PARD6G: variants seen among roughly 807,000 people sequenced by gnomAD.
PARD6G encodes the protein par-6 family cell polarity regulator gamma.
In PARD6G, 7 loss-of-function variants were observed where a neutral mutation model predicts 10.7. The ratio of observed to expected loss-of-function variants is 0.66; its 90% CI spans 0.37 to 1.23. The LOEUF is 1.23. PARD6G is among the 50% of genes most tolerant of loss of function. The pLI is 0.02. For missense variants in PARD6G, 548 were observed against 571.8 expected, an observed-to-expected ratio of 0.96 and a Z score of 0.42; for synonymous variants, 287 against 269.4, an observed-to-expected ratio of 1.07 and a Z score of -0.64.
In PARD6G at chr18:80,213,868, G is replaced by T. The variant is rs560284491; in HGVS notation, c.73-10936C>A. On this transcript the variant is annotated intron_variant, in intron 1 of 2. Transcript: ENST00000353265. ...AGCTACTCAGGAGGCTGAGGCAGGA[G>T]AATGGCATGAATCCGGAAGGCAGAG... Among the ~76,000 whole-genome samples, 531 of 146,162 alleles carry T rather than the reference G, an allele frequency of 3.6e-3. 4 individuals carry two copies. Among genetic ancestry groups the T allele is most frequent in the African/African-American group, 0.013 (499 of 39,174 alleles).
At position 80,246,468 on chromosome 18, in the gene PARD6G, G is replaced by A. The variant is rs1163951322; in HGVS notation, c.72+809C>T. Among the ~76,000 whole-genome samples, 1 of 152,162 alleles carries A rather than the reference G, an allele frequency of 6.6e-6. No homozygotes were observed. Among genetic ancestry groups the A allele is most frequent in the East Asian group, 1.9e-4 (1 of 5,168 alleles). On this transcript the variant is annotated intron_variant, in intron 1 of 2. Coordinates refer to ENST00000353265, the MANE Select transcript of PARD6G (RefSeq NM_032510.4). This position sits in a 1 kb window ranked among gnomAD's most constrained non-coding sequence, Gnocchi z 6.7. ...CTCCGCCCGGGCGCAGGCAGCGGGAGGGGCCGGGCACGCCCGTGGGGGTGG... is the reference window on the plus strand; with the variant it reads ...CTCCGCCCGGGCGCAGGCAGCGGGAAGGGCCGGGCACGCCCGTGGGGGTGG...
intron 1 of PARD6G, among the ~76,000 whole-genome samples, chr18:80,235,773 C>A (rs1304815295): frequency 5.3e-5 from 8 of 152,204 alleles, no homozygotes; most frequent in Non-Finnish European, 1.2e-4. Flanking sequence ...AATTCCTCGA[C>A]ACATACACCC....
At chr18:80,194,594 C>A (rs536080498) in intron 2 of PARD6G, among the ~76,000 whole-genome samples, 2 of 152,048 alleles carry the variant, frequency 1.3e-5, no homozygotes, top group Non-Finnish European at 2.9e-5. Flanking sequence ...CATTCACCCC[C>A]CCGAGATCTT....
intron 1 of PARD6G, among the ~76,000 whole-genome samples, chr18:80,234,288 G>T (rs1568444016): frequency 6.6e-6 from 1 of 152,148 alleles, no homozygotes; most frequent in South Asian, 2.1e-4. Flanking sequence ...AGATTGATCA[G>T]CTGGTGTGAA....
At chr18:80,214,167 A>C (rs188522401) in intron 1 of PARD6G, among the ~76,000 whole-genome samples, 2 of 151,258 alleles carry the variant, frequency 1.3e-5, no homozygotes, top group Non-Finnish European at 3.0e-5. Context: ...AATGTATAAG[A>C]ATGATACCGG....
At chr18:80,241,998 A>T (rs1160080775) in intron 1 of PARD6G, among the ~76,000 whole-genome samples, 1 of 152,120 alleles carries the variant, frequency 6.6e-6, no homozygotes, top group South Asian at 2.1e-4. Context: ...ACTTCCCTAA[A>T]ATTAGGGCCT....
At chr18:80,233,393 C>A (rs542060497) in intron 1 of PARD6G, among the ~76,000 whole-genome samples, 1 of 152,292 alleles carries the variant, frequency 6.6e-6, no homozygotes, top group South Asian at 2.1e-4. Flanking sequence ...CATCCCTGCA[C>A]CAGTACAGGT....
Position 80,247,448 on chromosome 18 carries a change from CCGCGCT to C in PARD6G, c.-106_-101del. 1.2e-6 allele frequency: 1 copy of C among 862,752 alleles called. No individual in the cohort carries two copies. 53.4% of individuals were successfully genotyped at this position (862,752 alleles called of 1,614,324 possible). On this transcript the variant is annotated 5_prime_UTR_variant, in exon 1 of 3. Transcript: ENST00000353265. The surrounding 1 kb of genome is among the most constrained non-coding windows in gnomAD (Gnocchi z 4.2). ...CCCAGGCCCCGGCCCCGGCCCCGGC[CCGCGCT>C]CGCTTGGCCGGCGGGCTGCTCCCGG...
In PARD6G at chr18:80,200,167, A is replaced by T. The variant is rs1966995629; in HGVS notation, c.295+2543T>A. Reference sequence around the variant, plus strand: ...ACTGACCCCTCGACACCCCTGCTGCAGTAAAAAGGCTGTGGGATTGAGTGT... The same window carrying T: ...ACTGACCCCTCGACACCCCTGCTGCTGTAAAAAGGCTGTGGGATTGAGTGT... On this transcript the variant is annotated intron_variant, in intron 2 of 2. Coordinates refer to ENST00000353265, the MANE Select transcript of PARD6G (RefSeq NM_032510.4). The surrounding 1 kb of genome is among the most constrained non-coding windows in gnomAD (Gnocchi z 4.4). 6.6e-6 allele frequency among the ~76,000 whole-genome samples: 1 copy of T among 152,182 alleles called. No homozygotes were observed. Among genetic ancestry groups the T allele is most frequent in the African/African-American group, 2.4e-5 (1 of 41,454 alleles).
intron 1 of PARD6G, among the ~76,000 whole-genome samples, chr18:80,232,918 G>A (rs1365465082): frequency 6.6e-6 from 1 of 152,214 alleles, no homozygotes; most frequent in Non-Finnish European, 1.5e-5. Flanking sequence ...TCATGGTGCA[G>A]GACAGGTGAG....
At chr18:80,236,607 C>T (rs111982465) in intron 1 of PARD6G, among the ~76,000 whole-genome samples, 257 of 152,248 alleles carry the variant, frequency 1.7e-3, no homozygotes, top group African/African-American at 5.9e-3. Flanking sequence ...AAAACCCCAT[C>T]GTCTCAGCCC....
chr18:80,162,248 G>GAT (rs2052705412), intron 2 of PARD6G: 2 of 152,206 alleles, frequency 1.3e-5, no homozygotes, highest in Non-Finnish European at 2.9e-5. Flanking sequence ...AGGTCTGGAA[G>GAT]GACTTTTGAA....
intron 2 of PARD6G, among the ~76,000 whole-genome samples, chr18:80,172,300 A>G (rs1005636702): frequency 6.6e-6 from 1 of 151,332 alleles, no homozygotes; most frequent in African/African-American, 2.4e-5. Flanking sequence ...TCATGTGCTT[A>G]TTGGCCACTT....
At position 80,184,935 on chromosome 18, in the gene PARD6G, G is replaced by C. The variant is rs923975273; in HGVS notation, c.295+17775C>G. On this transcript the variant is annotated intron_variant, in intron 2 of 2. Coordinates refer to ENST00000353265, the MANE Select transcript of PARD6G (RefSeq NM_032510.4). The surrounding 1 kb of genome is among the most constrained non-coding windows in gnomAD (Gnocchi z 4.5). Reference sequence around the variant, plus strand: ...CCTAAATGGTCGGATGCTGACTTAGGTCTCAATAAAGCTAAAAAATAAGGT... The same window carrying C: ...CCTAAATGGTCGGATGCTGACTTAGCTCTCAATAAAGCTAAAAAATAAGGT... The C allele has an allele frequency of 6.6e-6, 1 of 152,130 alleles. No homozygotes were observed. Among genetic ancestry groups the C allele is most frequent in the Non-Finnish European group, 1.5e-5 (1 of 68,042 alleles). The allele number at this position is 152,130 out of a possible 1,614,324, so 9.4% of individuals were successfully genotyped here. A position where few individuals can be genotyped will look rare whatever the true frequency, so the allele number is the denominator to read the frequency against.
chr18:80,226,789 C>A (rs1967297718), intron 1 of PARD6G, among the ~76,000 whole-genome samples: 2 of 152,114 alleles, frequency 1.3e-5, no homozygotes, highest in African/African-American at 4.8e-5. Flanking sequence ...ATTTATCAGT[C>A]AAAATTTGCT....
At chr18:80,232,011 C>A (rs993692345) in intron 1 of PARD6G, among the ~76,000 whole-genome samples, 2 of 152,214 alleles carry the variant, frequency 1.3e-5, no homozygotes. Flanking sequence ...GAAGCCACTG[C>A]GTTCCTACAC....
intron 2 of PARD6G, among the ~76,000 whole-genome samples, chr18:80,165,033 G>A (rs2052726184): frequency 6.6e-6 from 1 of 152,212 alleles, no homozygotes; most frequent in South Asian, 2.1e-4. Context: ...GTTCAGCAGT[G>A]CACATATTGT....
intron 2 of PARD6G, among the ~76,000 whole-genome samples, chr18:80,163,773 A>C (rs2052717026): frequency 6.6e-6 from 1 of 152,218 alleles, no homozygotes; most frequent in Admixed American, 6.5e-5. Context: ...TCCCTGCACC[A>C]ATAAAAGCAA....
In PARD6G at chr18:80,183,030, C is replaced by T; in HGVS notation, c.295+19680G>A. On this transcript the variant is annotated intron_variant, in intron 2 of 2. Transcript: ENST00000353265. This position sits in a 1 kb window ranked among gnomAD's most constrained non-coding sequence, Gnocchi z 4.5. ...AGATGGCTGGGGTCTCATGAGGGGC[C>T]AGCTGCGTGGGCCATCCATTCTCTA... 1 of 695,276 alleles carries T rather than the reference C, an allele frequency of 1.4e-6. No individual in the cohort carries two copies. The highest frequency in any genetic ancestry group is 1.5e-5 in the South Asian group (1 of 66,928). The allele number at this position is 695,276 out of a possible 1,614,324, so 43.1% of individuals were successfully genotyped here.
Sources: gnomAD v4.1 joint callset for allele counts (sites outside exome capture counted in the v4.1 genomes callset) on GRCh38, gnomAD v4.1.1 for gene constraint, Gnocchi (gnomAD v3.1) non-coding constraint, MANE v1.5 for transcripts, NCBI Gene and HGNC (gene_info 2026-07-23, HGNC 2026-07-21) for gene names.